The following HMGXB4 variants were observed in gnomAD, a reference collection of about 807,000 sequenced individuals.
The protein encoded by HMGXB4 is HMG domain-containing protein 4.
Under a neutral mutation model 63.9 loss-of-function variants are expected in HMGXB4, and 27 were observed. The ratio of observed to expected loss-of-function variants is 0.42; its 90% CI spans 0.31 to 0.58. HMGXB4 has a LOEUF of 0.58. Ranked by LOEUF, HMGXB4 falls within the 20% of genes least tolerant of loss-of-function variation. The pLI is 0.13. For missense variants in HMGXB4, 624 were observed against 700.7 expected, an observed-to-expected ratio of 0.89 and a Z score of 1.24; for synonymous variants, 264 against 265.3, an observed-to-expected ratio of 0.99 and a Z score of 0.05.
the HMGXB4 span, among the ~76,000 whole-genome samples, chr22:35,248,787 C>G: frequency 9.4e-6 from 1 of 105,828 alleles, no homozygotes; most frequent in Non-Finnish European, 2.4e-5. Context: ...GGTGCTAAAC[C>G]ACTCATGAAG....
At position 35,293,689 on chromosome 22, in the gene HMGXB4, C is replaced by T. The variant is rs201834694; in HGVS notation, c.*38C>T. 3.9e-6 allele frequency: 6 copies of T among 1,531,026 alleles called. No individual in the cohort carries two copies. The South Asian group carries it at 4.5e-5, about 11-fold the overall frequency. The allele number at this position is 1,531,026 out of a possible 1,614,324, so 94.8% of individuals were successfully genotyped here. A position where few individuals can be genotyped will look rare whatever the true frequency, so the allele number is the denominator to read the frequency against. On this transcript the variant is annotated 3_prime_UTR_variant, in exon 11 of 11. Coordinates refer to ENST00000216106, the MANE Select transcript of HMGXB4 (RefSeq NM_001003681.3). ...CTGGGACAGAAACCTTATCCTACAC[C>T]ATTGCTGGTTTGTGTATATATGACT... is the stretch of plus-strand genomic sequence containing the variant.
chr22:35,284,409 A>G (rs952575733), intron 6 of HMGXB4, among the ~76,000 whole-genome samples: 1 of 152,220 alleles, frequency 6.6e-6, no homozygotes, highest in African/African-American at 2.4e-5. Flanking sequence ...ATGCTCTTCA[A>G]CTTATGATAG....
In HMGXB4 at chr22:35,295,321, T is replaced by C. The variant is rs1925199742; in HGVS notation, c.*1670T>C. On this transcript the variant is annotated 3_prime_UTR_variant, in exon 11 of 11. Transcript: ENST00000216106. ...AGCAGTTTTAAGATTTAATTGGGAATACAGAGAAACAGGATTGTTTGAGAA... is the reference window on the plus strand; with the variant it reads ...AGCAGTTTTAAGATTTAATTGGGAACACAGAGAAACAGGATTGTTTGAGAA... The C allele has an allele frequency of 6.6e-6, 1 of 152,380 alleles. No homozygotes were observed. Among genetic ancestry groups the C allele is most frequent in the Non-Finnish European group, 1.5e-5 (1 of 68,034 alleles). The allele number at this position is 152,380 out of a possible 1,614,324, so 9.4% of individuals were successfully genotyped here. A position where few individuals can be genotyped will look rare whatever the true frequency, so the allele number is the denominator to read the frequency against.
At chr22:35,285,301 T>C (rs2145565799) in intron 6 of HMGXB4, among the ~76,000 whole-genome samples, 1 of 152,280 alleles carries the variant, frequency 6.6e-6, no homozygotes, top group Admixed American at 6.5e-5. Flanking sequence ...TCCCAACACT[T>C]TGGGAGGCCG....
chr22:35,292,915 A>G (rs1269534297), intron 9 of HMGXB4, 77 bp from the exon 10 acceptor site: 2 of 1,561,378 alleles, frequency 1.3e-6, no homozygotes, highest in Non-Finnish European at 1.8e-6. Context: ...CCTAGGATTT[A>G]AAGTACTGTG....
In HMGXB4 at chr22:35,271,242, AAAAAGTCAGGGAC is replaced by A. The variant is rs1224566142; in HGVS notation, c.1215+5643_1215+5655del. The stretch of plus-strand genomic sequence containing the variant: ...AGACCCTGTCTCAAAAAAAATAAAT[AAAAAGTCAGGGAC>A]AAAGTCCACCCAGAGATAGAAAAGA... On this transcript the variant is annotated intron_variant, in intron 5 of 10. Transcript: ENST00000216106. 1.2e-3 allele frequency among the ~76,000 whole-genome samples: 187 copies of A among 152,300 alleles called. 1 individual carries two copies. Among genetic ancestry groups the A allele is most frequent in the African/African-American group, 4.4e-3 (182 of 41,570 alleles).
chr22:35,242,720 A>G, the HMGXB4 span, among the ~76,000 whole-genome samples: 1 of 152,114 alleles, frequency 6.6e-6, no homozygotes, highest in African/African-American at 2.4e-5. Flanking sequence ...AGCTTCAATT[A>G]TTGATTTAGA....
intron 10 of HMGXB4, 40 bp downstream of exon 10, chr22:35,293,154 C>T (rs1480397152): frequency 3.7e-6 from 6 of 1,612,514 alleles, no homozygotes; most frequent in Non-Finnish European, 5.1e-6. Flanking sequence ...ATCCATTGGG[C>T]GTCAGAGATG....
chr22:35,263,268 C>A, intron 3 of HMGXB4, 42 bp downstream of exon 3: 34 of 1,397,242 alleles, frequency 2.4e-5, no homozygotes, highest in Non-Finnish European at 3.0e-5. Flanking sequence ...TTAAACTACT[C>A]ATTTTTTTTT....
upstream of HMGXB4, among the ~76,000 whole-genome samples, chr22:35,256,239 C>T (rs1922395248): frequency 6.6e-6 from 1 of 152,160 alleles, no homozygotes; most frequent in South Asian, 2.1e-4. Context: ...AAGCACTCAC[C>T]CAACTCTGCA....
intron 6 of HMGXB4, 99 bp downstream of exon 6, chr22:35,284,142 G>T: frequency 1.2e-6 from 1 of 852,290 alleles, no homozygotes; most frequent in Non-Finnish European, 1.9e-6. Context: ...CATAAATCTT[G>T]TTTCTTTCCT....
intron 5 of HMGXB4, among the ~76,000 whole-genome samples, chr22:35,268,371 ATCTTTCAAGCCT>A (rs1379397136): frequency 1.3e-5 from 2 of 152,180 alleles, no homozygotes; most frequent in Non-Finnish European, 2.9e-5. Context: ...CCTCCTTAAT[ATCTTTCAAGCCT>A]TTAGCTCCTC....
intron 1 of HMGXB4, among the ~76,000 whole-genome samples, chr22:35,260,913 G>C (rs1224268521): frequency 6.6e-6 from 1 of 152,108 alleles, no homozygotes; most frequent in East Asian, 1.9e-4. Flanking sequence ...CCATGCTTCA[G>C]TATTGTCCAC....
rs752708702 is a variant in HMGXB4, at chr22:35,265,009, TGAG to T, written c.625_627del (p.Glu209del). The T allele has an allele frequency of 6.8e-5, 109 of 1,613,938 alleles. No individual in the cohort carries two copies. The highest frequency in any genetic ancestry group is 2.7e-5 in the African/African-American group (2 of 74,910). The stretch of plus-strand genomic sequence containing the variant: ...AGGAGAAGGGAAGCAGCTCTGTTGA[TGAG>T]GAGTCTTTTCAATATCCCTCCCAAC... On this transcript the variant is annotated inframe_deletion, in exon 5 of 11. Transcript: ENST00000216106.
In HMGXB4 at chr22:35,293,809, A is replaced by G; in HGVS notation, c.*158A>G. ...TATATATATAATGTACAATATATAC[A>G]TAGACTGTAACTACTTTGCTTTTAA... is the stretch of plus-strand genomic sequence containing the variant. On this transcript the variant is annotated 3_prime_UTR_variant, in exon 11 of 11. Transcript: ENST00000216106. 2.6e-6 allele frequency: 1 copy of G among 379,746 alleles called. No individual in the cohort carries two copies. The highest frequency in any genetic ancestry group is 4.7e-6 in the Non-Finnish European group (1 of 214,756). 23.5% of individuals were successfully genotyped at this position (379,746 alleles called of 1,614,324 possible).
At chr22:35,250,078 T>TC in the HMGXB4 span, among the ~76,000 whole-genome samples, 4 of 44,148 alleles carry the variant, frequency 9.1e-5, 2 homozygotes, top group Non-Finnish European at 5.2e-4. Flanking sequence ...GTACTGACCC[T>TC]CCTTACCTCC....
chr22:35,293,352 C>T (rs909452123), intron 10 of HMGXB4, among the ~76,000 whole-genome samples: 1 of 152,230 alleles, frequency 6.6e-6, no homozygotes, highest in Middle Eastern at 3.2e-3. Context: ...TGAGGTACTA[C>T]AATTCCTGTG....
At chr22:35,244,195 G>A in the HMGXB4 span, among the ~76,000 whole-genome samples, 1 of 151,778 alleles carries the variant, frequency 6.6e-6, no homozygotes, top group Non-Finnish European at 1.5e-5. Context: ...AGGAATGTTG[G>A]ATCTTTTGTT....
the HMGXB4 span, among the ~76,000 whole-genome samples, chr22:35,247,658 T>G: frequency 1.3e-5 from 2 of 152,094 alleles, no homozygotes; most frequent in Non-Finnish European, 2.9e-5. Context: ...AGCCATAGTT[T>G]GTCTCCCTGT....
Sources: allele counts gnomAD v4.1 joint callset (sites outside exome capture counted in the v4.1 genomes callset), GRCh38; gene constraint gnomAD v4.1.1; transcripts MANE v1.5; gene names NCBI Gene and HGNC (gene_info 2026-07-23, HGNC 2026-07-21).